Variants in LDB2 observed in about 807,000 individuals in gnomAD.
LDB2 encodes LIM domain binding 2.
In LDB2, 12 loss-of-function variants were observed where a neutral mutation model predicts 44.3. The ratio of observed to expected loss-of-function variants is 0.27; its 90% confidence interval spans 0.17 to 0.44. LDB2 has a LOEUF of 0.44. LDB2 is among the 20% of genes least tolerant of loss of function. The pLI, the probability that LDB2 is intolerant of heterozygous loss-of-function variation, is 1.00. For synonymous variants in LDB2, 164 were observed against 174.8 expected, an observed-to-expected ratio of 0.94 and a Z score of 0.49; for missense variants, 344 against 473.5, an observed-to-expected ratio of 0.73 and a Z score of 2.54.
chr4:16,762,762 GAC>G (rs1168131263), intron 1 of LDB2, among the ~76,000 whole-genome samples: 6 of 152,150 alleles, frequency 3.9e-5, no homozygotes, highest in Admixed American at 2.6e-4. Context: ...CTTGGTCTCT[GAC>G]ACTTCTGCTG....
At chr4:16,886,860 G>A (rs368560256) in intron 1 of LDB2, among the ~76,000 whole-genome samples, 3 of 151,506 alleles carry the variant, frequency 2.0e-5, no homozygotes, top group East Asian at 1.9e-4. Flanking sequence ...GTGAAATCCC[G>A]TCTCTACTAA....
chr4:16,577,071 G>A (rs1332429431), intron 5 of LDB2, among the ~76,000 whole-genome samples: 1 of 152,084 alleles, frequency 6.6e-6, no homozygotes, highest in Non-Finnish European at 1.5e-5. Flanking sequence ...GGGTATGGAG[G>A]AACATGCTTC....
At chr4:16,803,904 G>C (rs1312125370) in intron 1 of LDB2, among the ~76,000 whole-genome samples, 2 of 152,128 alleles carry the variant, frequency 1.3e-5, no homozygotes, top group African/African-American at 4.8e-5. Flanking sequence ...AACTGAAATA[G>C]CTTTCAAATC....
intron 6 of LDB2, 145 bp downstream of exon 6, chr4:16,511,836 A>G: frequency 1.1e-6 from 1 of 886,536 alleles, no homozygotes. Context: ...CATTGTCTTT[A>G]TGTCCACAAC....
At chr4:16,610,839 C>T (rs776875217) in intron 2 of LDB2, among the ~76,000 whole-genome samples, 14 of 152,034 alleles carry the variant, frequency 9.2e-5, no homozygotes, top group Admixed American at 4.6e-4. Context: ...GATAGGCCAA[C>T]GTGCAAATTC....
intron 1 of LDB2, among the ~76,000 whole-genome samples, chr4:16,834,292 G>C (rs1181328207): frequency 6.6e-6 from 1 of 152,198 alleles, no homozygotes; most frequent in Non-Finnish European, 1.5e-5. Flanking sequence ...CATTTGGTCT[G>C]CAATATGCTT....
Position 16,582,437 on chromosome 4 carries a change from A to T in LDB2, c.615+3485T>A, listed in dbSNP as rs1006868040. On this transcript the variant is annotated intron_variant, in intron 5 of 7. Coordinates refer to ENST00000304523, the MANE Select transcript of LDB2 (RefSeq NM_001290.5). The surrounding 1 kb of genome is among the most constrained non-coding windows in gnomAD (Gnocchi z 4.8). ...GACAACAGGACTTCTGCTTCCCAAC[A>T]AACAAGGCAAAGGACACATTTCCGA... is the stretch of plus-strand genomic sequence containing the variant. Among the ~76,000 whole-genome samples, 1 of 152,116 alleles carries T rather than the reference A, an allele frequency of 6.6e-6. No homozygotes were observed. Among genetic ancestry groups the T allele is most frequent in the African/African-American group, 2.4e-5 (1 of 41,424 alleles).
chr4:16,744,000 CT>C (rs1381841340), intron 2 of LDB2, among the ~76,000 whole-genome samples: 2 of 152,210 alleles, frequency 1.3e-5, no homozygotes, highest in Admixed American at 6.5e-5. Flanking sequence ...ACACTTCCCC[CT>C]ATACTTGGCT....
chr4:16,886,688 A>G (rs1029103551), intron 1 of LDB2, among the ~76,000 whole-genome samples: 24 of 152,150 alleles, frequency 1.6e-4, no homozygotes, highest in African/African-American at 5.8e-4. Flanking sequence ...ATTCAAAAGC[A>G]ATGAAGGTTA....
intron 5 of LDB2, among the ~76,000 whole-genome samples, chr4:16,528,742 A>G (rs1729104503): frequency 6.6e-6 from 1 of 152,236 alleles, no homozygotes; most frequent in Non-Finnish European, 1.5e-5. Context: ...GAAAAAAGTG[A>G]TTCATGAGAA....
chr4:16,788,325 G>C (rs1774934439), intron 1 of LDB2, among the ~76,000 whole-genome samples: 1 of 152,224 alleles, frequency 6.6e-6, no homozygotes, highest in African/African-American at 2.4e-5. Context: ...TTTGGGGGTG[G>C]TGATGGGAAG....
At chr4:16,740,829 C>T (rs1467080531) in intron 2 of LDB2, among the ~76,000 whole-genome samples, 1 of 152,220 alleles carries the variant, frequency 6.6e-6, no homozygotes, top group Non-Finnish European at 1.5e-5. Context: ...CTTGGAATAT[C>T]TCTTTAATGC....
At chr4:16,649,387 A>G (rs1479594863) in intron 2 of LDB2, among the ~76,000 whole-genome samples, 2 of 152,218 alleles carry the variant, frequency 1.3e-5, no homozygotes, top group African/African-American at 4.8e-5. Context: ...ACACATAGGC[A>G]TATTGGCATA....
chr4:16,717,771 T>C (rs1164181373), intron 2 of LDB2, among the ~76,000 whole-genome samples: 2 of 152,208 alleles, frequency 1.3e-5, no homozygotes, highest in Non-Finnish European at 2.9e-5. Context: ...CACGCATTTA[T>C]GCCCTTTAAG....
rs540264856 is a variant in LDB2, at chr4:16,647,970, A to C, written c.236-52095T>G. Among the ~76,000 whole-genome samples, 17 of 152,296 alleles carry C rather than the reference A, an allele frequency of 1.1e-4. No homozygotes were observed. The East Asian group carries it at 3.3e-3, about 30-fold the overall frequency. ...CTAACCTACACTCTGAATATAATGC[A>C]TCTCTTTCCCACAATGCATCTCTAA... On this transcript the variant is annotated intron_variant, in intron 2 of 7. Transcript: ENST00000304523.
rs778175253 is a variant in LDB2 at position 16,515,980 on chromosome 4, C to T, written c.616-3876G>A. On this transcript the variant is annotated intron_variant, in intron 5 of 7. Coordinates refer to ENST00000304523, the MANE Select transcript of LDB2 (RefSeq NM_001290.5). ...CTGGGTTCACACCATTCTCCTGCCT[C>T]AGCCTCCTGAGTAGCTGAGACTACA... 8.3e-4 allele frequency among the ~76,000 whole-genome samples: 127 copies of T among 152,268 alleles called. 1 individual carries two copies. The highest frequency in any genetic ancestry group is 1.4e-3 in the Admixed American group (21 of 15,292).
At chr4:16,803,003 TG>T in intron 1 of LDB2, among the ~76,000 whole-genome samples, 1 of 152,188 alleles carries the variant, frequency 6.6e-6, no homozygotes, top group East Asian at 1.9e-4. Flanking sequence ...CGCTGTCTCC[TG>T]AGAGCATTTT....
At chr4:16,845,835 C>A (rs925294847) in intron 1 of LDB2, among the ~76,000 whole-genome samples, 1 of 151,766 alleles carries the variant, frequency 6.6e-6, no homozygotes, top group East Asian at 1.9e-4. Flanking sequence ...AGCCTGGGCG[C>A]GGTGGCTCCT....
At chr4:16,715,737 A>G (rs561378340) in intron 2 of LDB2, among the ~76,000 whole-genome samples, 31 of 152,202 alleles carry the variant, frequency 2.0e-4, no homozygotes, top group African/African-American at 7.0e-4. Context: ...TCTTTCTCAT[A>G]CTAAGAGGAT....
Sources: allele counts gnomAD v4.1 joint callset (sites outside exome capture counted in the v4.1 genomes callset), GRCh38; gene constraint gnomAD v4.1.1; non-coding constraint Gnocchi (gnomAD v3.1); transcripts MANE v1.5; gene names NCBI Gene and HGNC (gene_info 2026-07-23, HGNC 2026-07-21).